Variants in RPS6KC1 observed in about 807,000 individuals in gnomAD.
RPS6KC1 encodes ribosomal protein S6 kinase C1.
A neutral mutation model predicts 103.8 loss-of-function variants in RPS6KC1; 54 were observed. The observed-to-expected ratio is 0.52, with a 90% confidence interval of 0.42 to 0.65. The LOEUF (loss-of-function observed/expected upper bound fraction) is 0.65. RPS6KC1 is among the 30% of genes least tolerant of loss of function. The probability of loss-of-function intolerance (pLI) is 0.00; values close to 1 mark genes in which losing one functional copy is unlikely to be tolerated. For synonymous variants in RPS6KC1, 439 were observed against 438.7 expected (o/e 1.00, Z -0.01); for missense variants, 1,151 against 1,253.8 (o/e 0.92, Z 1.24).
chr1:213,627,824 C>G, the RPS6KC1 span, among the ~76,000 whole-genome samples: 2 of 152,298 alleles, frequency 1.3e-5, no homozygotes, highest in African/African-American at 4.8e-5. Flanking sequence ...ATTCAGTTTG[C>G]CAGTATTTTA....
At chr1:213,543,626 T>C in the RPS6KC1 span, among the ~76,000 whole-genome samples, 1 of 152,242 alleles carries the variant, frequency 6.6e-6, no homozygotes, top group African/African-American at 2.4e-5. Flanking sequence ...GCGGATTTAT[T>C]CCATTTAAAA....
chr1:213,318,374 C>G, the RPS6KC1 span, among the ~76,000 whole-genome samples: 2 of 152,220 alleles, frequency 1.3e-5, no homozygotes, highest in African/African-American at 4.8e-5. Context: ...TGCAGGATTC[C>G]TGGCCTCTTG....
chr1:213,053,927 C>T (rs908043448), intron 1 of RPS6KC1, among the ~76,000 whole-genome samples: 1 of 152,022 alleles, frequency 6.6e-6, no homozygotes, highest in African/African-American at 2.4e-5. Context: ...ACCTCGCCTC[C>T]TGGGTTCAAG....
the RPS6KC1 span, among the ~76,000 whole-genome samples, chr1:213,482,264 G>C: frequency 6.6e-6 from 1 of 151,930 alleles, no homozygotes; most frequent in Non-Finnish European, 1.5e-5. Context: ...CTCTTTTGAT[G>C]CTCTTCTTGG....
At chr1:213,109,796 C>G (rs567100160) in intron 4 of RPS6KC1, among the ~76,000 whole-genome samples, 2 of 149,484 alleles carry the variant, frequency 1.3e-5, no homozygotes, top group African/African-American at 4.9e-5. Flanking sequence ...TTTTGTTTCT[C>G]GTAGGTATAC....
the RPS6KC1 span, among the ~76,000 whole-genome samples, chr1:213,418,881 C>G: frequency 3.2e-4 from 49 of 152,328 alleles, no homozygotes; most frequent in East Asian, 6.0e-3. Context: ...TCAGCTCCCC[C>G]CAGCTGCAGG....
the RPS6KC1 span, among the ~76,000 whole-genome samples, chr1:213,701,172 T>C: frequency 3.3e-5 from 5 of 152,012 alleles, no homozygotes; most frequent in East Asian, 3.9e-4. Context: ...CCTTATTTGG[T>C]GTGATACTAG....
At chr1:213,225,103 CCAA>C (rs1219634492) in intron 8 of RPS6KC1, among the ~76,000 whole-genome samples, 1 of 152,106 alleles carries the variant, frequency 6.6e-6, no homozygotes, top group Non-Finnish European at 1.5e-5. Context: ...AACATTATTG[CCAA>C]ACAGATGGAA....
At chr1:213,407,988 C>T in the RPS6KC1 span, among the ~76,000 whole-genome samples, 3 of 152,214 alleles carry the variant, frequency 2.0e-5, no homozygotes, top group Non-Finnish European at 4.4e-5. Context: ...TGAATGAATT[C>T]CCATAGCTAC....
At chr1:213,348,165 G>A in the RPS6KC1 span, among the ~76,000 whole-genome samples, 5 of 152,178 alleles carry the variant, frequency 3.3e-5, no homozygotes, top group South Asian at 2.1e-4. Context: ...GTACATTTCC[G>A]GGCCCAAGAG....
chr1:213,553,771 C>T, the RPS6KC1 span, among the ~76,000 whole-genome samples: 26 of 152,210 alleles, frequency 1.7e-4, no homozygotes, highest in Admixed American at 7.8e-4. Context: ...TTGCATTTAC[C>T]TAATGATTAG....
chr1:213,461,401 T>C, the RPS6KC1 span, among the ~76,000 whole-genome samples: 2 of 152,166 alleles, frequency 1.3e-5, no homozygotes, highest in East Asian at 1.9e-4. Flanking sequence ...CAAGCTACCA[T>C]TGGCTTTCTT....
chr1:213,240,820 T>C lies in RPS6KC1; in HGVS notation c.1344T>C (p.Ser448=). Residue 448 remains serine (S), a synonymous_variant, in exon 11 of 15, where the codon TCT becomes TCC. Coordinates refer to ENST00000366960, the MANE Select transcript of RPS6KC1 (RefSeq NM_012424.6). ...LAKVHLQQPT[S]SPQDSSSFES... ...AAGTTCACCTGCAGCAGCCAACTTC[T>C]AGTCCTCAGGACAGCAGTAGCTTTG... 1.2e-6 allele frequency: 2 copies of C among 1,613,956 alleles called. No individual in the cohort carries two copies. The highest frequency in any genetic ancestry group is 1.7e-6 in the Non-Finnish European group (2 of 1,179,896).
the RPS6KC1 span, among the ~76,000 whole-genome samples, chr1:213,553,478 C>A: frequency 6.6e-6 from 1 of 152,054 alleles, no homozygotes; most frequent in African/African-American, 2.4e-5. Flanking sequence ...TATGCATGCA[C>A]GTGTCTTTAT....
In RPS6KC1 at chr1:213,180,094, C is replaced by T. The variant is rs180944696; in HGVS notation, c.1044+3602C>T. ...CTTCAATTGGGATTATAAAATCCCT[C>T]ATTAACATAGATATGCAAAAATTGT... On this transcript the variant is annotated intron_variant, in intron 8 of 14. Transcript: ENST00000366960. 5.3e-5 allele frequency among the ~76,000 whole-genome samples: 8 copies of T among 151,982 alleles called. No individual in the cohort carries two copies. In the East Asian group the frequency reaches 1.5e-3, roughly 29 times the overall value.
intron 1 of RPS6KC1, among the ~76,000 whole-genome samples, chr1:213,069,797 C>G (rs1387213193): frequency 6.6e-6 from 1 of 152,096 alleles, no homozygotes; most frequent in Non-Finnish European, 1.5e-5. Flanking sequence ...CAAAATACAC[C>G]ATTGTAGCTT....
At chr1:213,518,737 G>A in the RPS6KC1 span, among the ~76,000 whole-genome samples, 7 of 152,186 alleles carry the variant, frequency 4.6e-5, no homozygotes, top group Admixed American at 1.3e-4. Flanking sequence ...GCTGGAATGA[G>A]CATATGAAAA....
At chr1:213,292,745 A>G in the RPS6KC1 span, among the ~76,000 whole-genome samples, 3 of 152,232 alleles carry the variant, frequency 2.0e-5, no homozygotes, top group Non-Finnish European at 2.9e-5. Context: ...GCAAATTCAC[A>G]TAATTATTAA....
At chr1:213,602,118 TTC>T in the RPS6KC1 span, among the ~76,000 whole-genome samples, 266 of 8,756 alleles carry the variant, frequency 0.03, 2 homozygotes, top group African/African-American at 0.044. Context: ...CTTTCTTTCT[TTC>T]TCTTTCTTTC....
Sources: gnomAD v4.1 joint callset for allele counts (sites outside exome capture counted in the v4.1 genomes callset) on GRCh38, gnomAD v4.1.1 for gene constraint, MANE v1.5 for transcripts, NCBI Gene and HGNC (gene_info 2026-07-23, HGNC 2026-07-21) for gene names.